CC2D2B: variants seen among roughly 807,000 people sequenced by gnomAD.
The protein encoded by CC2D2B is coiled-coil and C2 domain containing 2B.
In CC2D2B, 128 loss-of-function variants were observed where a neutral mutation model predicts 161.2. That is an observed-to-expected ratio of 0.79 (90% CI 0.69 to 0.92). The LOEUF (loss-of-function observed/expected upper bound fraction) is 0.92, where lower values mean the gene tolerates loss of function less well. Ranked by LOEUF, CC2D2B falls within the 40% of genes least tolerant of loss-of-function variation. The pLI, the probability that CC2D2B is intolerant of heterozygous loss-of-function variation, is 0.00. For missense variants in CC2D2B, 1,173 were observed against 1,375.1 expected (o/e 0.85, Z 2.32); for synonymous variants, 391 against 449.8 (o/e 0.87, Z 1.65).
At chr10:95,972,668 A>G (rs944551796) in intron 16 of CC2D2B, among the ~76,000 whole-genome samples, 1 of 152,134 alleles carries the variant, frequency 6.6e-6, no homozygotes, top group Non-Finnish European at 1.5e-5. Context: ...GTTAAACTAG[A>G]TTGTTTAAAG....
intron 6 of CC2D2B, among the ~76,000 whole-genome samples, chr10:95,932,596 A>G (rs1182449179): frequency 1.3e-5 from 2 of 152,118 alleles, no homozygotes; most frequent in Admixed American, 1.3e-4. Flanking sequence ...ATCTCTCAGC[A>G]TTTGCTTGTC....
At chr10:95,951,257 C>T (rs75584343) in intron 10 of CC2D2B, among the ~76,000 whole-genome samples, 5,556 of 152,178 alleles carry the variant, frequency 0.037, 150 homozygotes, top group Non-Finnish European at 0.058. Context: ...TCAAGCTGTC[C>T]TCCCACTTCA....
rs138520546 is a variant in CC2D2B, at chr10:96,000,280, G to A, written c.2850-3872G>A. 1.2e-4 allele frequency: 124 copies of A among 1,033,528 alleles called. No individual in the cohort carries two copies. The African/African-American group carries it at 1.4e-3, about 12-fold the overall frequency. 64.0% of individuals were successfully genotyped at this position (1,033,528 alleles called of 1,614,324 possible). On this transcript the variant is annotated intron_variant, in intron 24 of 34. Transcript: ENST00000646931. ...TTACTGGAAGATGGCTGCTCCAGCCGAAAGGATACTTTTCTCTATTTTTCT... is the reference window on the plus strand; with the variant it reads ...TTACTGGAAGATGGCTGCTCCAGCCAAAAGGATACTTTTCTCTATTTTTCT...
At position 96,012,513 on chromosome 10, in the gene CC2D2B, A is replaced by G. The variant is rs747746848; in HGVS notation, c.3229-19A>G. Reference sequence around the variant, plus strand: ...GAACAATACAGTACAATTCTGAAATACTTTACATTTTATTGTAGTTTTTAG... The same window carrying G: ...GAACAATACAGTACAATTCTGAAATGCTTTACATTTTATTGTAGTTTTTAG... On this transcript the variant is annotated intron_variant, in intron 27 of 34. Coordinates refer to ENST00000646931, the MANE Select transcript of CC2D2B (RefSeq NM_001349008.3). 4 of 1,530,996 alleles carry G rather than the reference A, an allele frequency of 2.6e-6. No individual in the cohort carries two copies. Among genetic ancestry groups the G allele is most frequent in the African/African-American group, 1.4e-5 (1 of 73,188 alleles). 94.8% of individuals were successfully genotyped at this position (1,530,996 alleles called of 1,614,324 possible).
At chr10:96,029,296 A>G (rs1212825975) in intron 34 of CC2D2B, among the ~76,000 whole-genome samples, 23 of 116,886 alleles carry the variant, frequency 2.0e-4, no homozygotes, top group Non-Finnish European at 3.0e-4. Context: ...GTATATATAT[A>G]TATATATATG....
At chr10:96,025,174 T>TAAAAAAAAAAAAAAAA (rs1564683948) in intron 33 of CC2D2B, among the ~76,000 whole-genome samples, 2 of 15,100 alleles carry the variant, frequency 1.3e-4, no homozygotes, top group African/African-American at 5.5e-4. Flanking sequence ...TATATATATA[T>TAAAAAAAAAAAAAAAA]ATATATATAT....
At chr10:95,994,050 C>T (rs931941848) in intron 22 of CC2D2B, among the ~76,000 whole-genome samples, 6 of 138,262 alleles carry the variant, frequency 4.3e-5, no homozygotes, top group East Asian at 2.0e-4. Flanking sequence ...TGTGCAGAGA[C>T]GAGAGATAGT....
intron 9 of CC2D2B, among the ~76,000 whole-genome samples, chr10:95,940,635 T>C (rs953269091): frequency 6.6e-6 from 1 of 152,166 alleles, no homozygotes; most frequent in Non-Finnish European, 1.5e-5. Flanking sequence ...CTTAGTACCA[T>C]TTATTGAAAA....
chr10:95,933,000 G>T (rs1004918645), intron 6 of CC2D2B, among the ~76,000 whole-genome samples: 1 of 152,048 alleles, frequency 6.6e-6, no homozygotes, highest in Admixed American at 6.5e-5. Flanking sequence ...CATTCTCCTC[G>T]TCACTTTCAG....
At chr10:95,988,463 T>C (rs2077817866) in intron 20 of CC2D2B, 121 bp downstream of exon 20, 1 of 407,142 alleles carries the variant, frequency 2.5e-6, no homozygotes, top group Non-Finnish European at 4.2e-6. Flanking sequence ...TCGTCACCTC[T>C]TTCAGATCAC....
chr10:95,996,255 A>G lies in CC2D2B; in HGVS notation c.2849+3A>G. 7.6e-7 allele frequency: 1 copy of G among 1,324,448 alleles called. No individual in the cohort carries two copies. Among genetic ancestry groups the G allele is most frequent in the Non-Finnish European group, 1.0e-6 (1 of 982,812 alleles). The allele number at this position is 1,324,448 out of a possible 1,614,324, so 82.0% of individuals were successfully genotyped here. ...GAAGAAATTAAAGTAGATTTTGTGT[A>G]AGTTGGAGTTCATTTTTCCATAGCT... On this transcript the variant is annotated splice_donor_region_variant and intron_variant, in intron 24 of 34. Transcript: ENST00000646931.
chr10:95,997,394 C>CT (rs1042071906), intron 24 of CC2D2B, among the ~76,000 whole-genome samples: 145 of 148,218 alleles, frequency 9.8e-4, no homozygotes, highest in African/African-American at 3.3e-3. Flanking sequence ...ATCTAGACAG[C>CT]TTTTTTTTTT....
At chr10:95,999,279 C>T (rs2078365043) in intron 24 of CC2D2B, among the ~76,000 whole-genome samples, 1 of 152,074 alleles carries the variant, frequency 6.6e-6, no homozygotes, top group Admixed American at 6.5e-5. Flanking sequence ...AAGTTTTCTC[C>T]ATGTCTTTTT....
chr10:95,969,030 G>C (rs2077032817), intron 15 of CC2D2B, 129 bp downstream of exon 15: 1 of 398,858 alleles, frequency 2.5e-6, no homozygotes, highest in Non-Finnish European at 4.4e-6. Flanking sequence ...TTTATGTGTA[G>C]ATGATAAGAT....
At chr10:95,940,652 A>G (rs1008743035) in intron 9 of CC2D2B, among the ~76,000 whole-genome samples, 5 of 152,178 alleles carry the variant, frequency 3.3e-5, no homozygotes, top group African/African-American at 1.2e-4. Context: ...AAAAAAATCA[A>G]TAAACCTTTT....
At chr10:95,989,084 G>T (rs2077845710) in intron 20 of CC2D2B, among the ~76,000 whole-genome samples, 1 of 152,196 alleles carries the variant, frequency 6.6e-6, no homozygotes. Flanking sequence ...CAGCCTTGCA[G>T]GGTAATTTGA....
chr10:95,934,379 G>A (rs1289375285), intron 6 of CC2D2B, among the ~76,000 whole-genome samples: 1 of 152,020 alleles, frequency 6.6e-6, no homozygotes, highest in East Asian at 1.9e-4. Flanking sequence ...TCCTTTCCAG[G>A]GGAGTGAACG....
chr10:96,024,791 G>A (rs2079621694), intron 32 of CC2D2B, 62 bp from the exon 33 acceptor site: 2 of 966,650 alleles, frequency 2.1e-6, no homozygotes, highest in Non-Finnish European at 3.2e-6. Context: ...TGGCATTCCA[G>A]GAGTGACTGT....
chr10:95,926,138 T>C (rs1295183322), intron 5 of CC2D2B, among the ~76,000 whole-genome samples: 2 of 152,146 alleles, frequency 1.3e-5, no homozygotes, highest in African/African-American at 4.8e-5. Context: ...TGTTATTCAC[T>C]CAACACATGA....
Sources: allele counts gnomAD v4.1 joint callset (sites outside exome capture counted in the v4.1 genomes callset), GRCh38; gene constraint gnomAD v4.1.1; transcripts MANE v1.5; gene names NCBI Gene and HGNC (gene_info 2026-07-23, HGNC 2026-07-21).